MTUS2: variants seen among roughly 807,000 people sequenced by gnomAD.
MTUS2 encodes microtubule-associated tumor suppressor candidate 2.
Under a neutral mutation model 114.1 loss-of-function variants are expected in MTUS2, and 40 were observed. The ratio of observed to expected loss-of-function variants is 0.35; its 90% CI spans 0.27 to 0.46. The LOEUF is 0.46. MTUS2 is among the 20% of genes least tolerant of loss of function. The pLI is 1.00. For synonymous variants in MTUS2, 688 were observed against 672.0 expected (o/e 1.02, Z -0.37); for missense variants, 1,679 against 1,705.4 (o/e 0.98, Z 0.27).
At chr13:29,411,290 T>C (rs1875219131) in intron 8 of MTUS2, among the ~76,000 whole-genome samples, 1 of 152,240 alleles carries the variant, frequency 6.6e-6, no homozygotes, top group East Asian at 1.9e-4. Flanking sequence ...ATTTTATCTT[T>C]ATTCAAATGG....
intron 5 of MTUS2, among the ~76,000 whole-genome samples, chr13:29,124,006 T>C (rs7332351): frequency 0.44 from 66,694 of 152,052 alleles, 15,891 homozygotes; most frequent in Non-Finnish European, 0.52. Flanking sequence ...GTCATCCTTT[T>C]ACAGAAATGA....
At chr13:29,353,407 C>A (rs1237884879) in intron 7 of MTUS2, among the ~76,000 whole-genome samples, 1 of 152,158 alleles carries the variant, frequency 6.6e-6, no homozygotes, top group Non-Finnish European at 1.5e-5. Flanking sequence ...CTCAAGCAAT[C>A]TTCCTGCCTC....
At chr13:29,086,883 A>G (rs1373154508) in intron 4 of MTUS2, among the ~76,000 whole-genome samples, 1 of 151,354 alleles carries the variant, frequency 6.6e-6, no homozygotes, top group Non-Finnish European at 1.5e-5. Context: ...TGTGGCTATC[A>G]TGTTCTTGAT....
intron 6 of MTUS2, among the ~76,000 whole-genome samples, chr13:29,311,382 G>C (rs950021003): frequency 6.6e-6 from 1 of 152,164 alleles, no homozygotes; most frequent in Non-Finnish European, 1.5e-5. Flanking sequence ...AAACTGCACA[G>C]ATAAGTGTTA....
chr13:29,390,151 C>G (rs764505652), intron 8 of MTUS2, among the ~76,000 whole-genome samples: 1 of 99,360 alleles, frequency 1.0e-5, no homozygotes, highest in East Asian at 3.2e-4. Context: ...TATATATATA[C>G]ACACACACAC....
chr13:29,205,868 A>G (rs1011299753), intron 5 of MTUS2, among the ~76,000 whole-genome samples: 8 of 152,144 alleles, frequency 5.3e-5, no homozygotes, highest in African/African-American at 1.9e-4. Context: ...TGTCATAAAC[A>G]TGTGTGTTCA....
chr13:29,038,984 C>T (rs540664306), intron 4 of MTUS2, among the ~76,000 whole-genome samples: 146 of 152,324 alleles, frequency 9.6e-4, no homozygotes, highest in African/African-American at 3.4e-3. Context: ...AAAAGTCTGG[C>T]CCGGTGATGC....
intron 2 of MTUS2, among the ~76,000 whole-genome samples, chr13:28,866,201 G>A (rs1273467230): frequency 2.0e-5 from 3 of 152,162 alleles, no homozygotes; most frequent in African/African-American, 7.2e-5. Flanking sequence ...TGTCTGGTAC[G>A]ACACGGTGCC....
At chr13:29,027,866 A>G (rs1223257249) in intron 3 of MTUS2, among the ~76,000 whole-genome samples, 1 of 152,176 alleles carries the variant, frequency 6.6e-6, no homozygotes, top group Admixed American at 6.5e-5. Context: ...CACCGTATAG[A>G]TACAGAGACA....
rs181653253 is a variant in MTUS2, at chr13:29,241,319, A to G, written c.2645-40385A>G. ...GTGAAAATCAAATGCCTGTCACAAT[A>G]TAGCACCCCTCCATACACAAACATC... is the stretch of plus-strand genomic sequence containing the variant. On this transcript the variant is annotated intron_variant, in intron 5 of 15. Transcript: ENST00000612955. 1.4e-4 allele frequency among the ~76,000 whole-genome samples: 22 copies of G among 152,338 alleles called. 1 individual carries two copies. Among genetic ancestry groups the G allele is most frequent in the Admixed American group, 5.9e-4 (9 of 15,306 alleles).
intron 4 of MTUS2, among the ~76,000 whole-genome samples, chr13:29,049,009 G>C (rs1031262801): frequency 5.3e-5 from 8 of 152,152 alleles, no homozygotes; most frequent in Non-Finnish European, 1.2e-4. Context: ...CTTATTAGGC[G>C]TGTACTGATC....
intron 5 of MTUS2, among the ~76,000 whole-genome samples, chr13:29,131,095 G>T (rs1284210010): frequency 6.6e-6 from 1 of 152,138 alleles, no homozygotes; most frequent in Non-Finnish European, 1.5e-5. Context: ...AGATTCAATG[G>T]GTCAATTTTT....
intron 9 of MTUS2, among the ~76,000 whole-genome samples, chr13:29,459,407 C>A (rs1320239162): frequency 1.3e-5 from 2 of 152,138 alleles, no homozygotes; most frequent in Non-Finnish European, 2.9e-5. Context: ...GAAGTGTGTT[C>A]TAATTCTGCT....
intron 2 of MTUS2, among the ~76,000 whole-genome samples, chr13:28,871,911 A>G (rs951238408): frequency 1.3e-5 from 2 of 152,104 alleles, no homozygotes; most frequent in African/African-American, 2.4e-5. Context: ...GGAGGGATCA[A>G]GGATCTACAG....
intron 9 of MTUS2, among the ~76,000 whole-genome samples, chr13:29,466,876 C>CAAAAAAAAAAA (rs11296600): frequency 1.3e-4 from 11 of 87,618 alleles, no homozygotes; most frequent in African/African-American, 3.5e-4. Context: ...GACCTCATCT[C>CAAAAAAAAAAA]AAAAAAAAAA....
intron 5 of MTUS2, among the ~76,000 whole-genome samples, chr13:29,128,765 G>T (rs1235070794): frequency 6.6e-6 from 1 of 152,086 alleles, no homozygotes; most frequent in Non-Finnish European, 1.5e-5. Context: ...AAAAATGCCA[G>T]GTTGCCTTCA....
At chr13:29,319,540 C>T (rs1900164701) in intron 6 of MTUS2, among the ~76,000 whole-genome samples, 1 of 152,138 alleles carries the variant, frequency 6.6e-6, no homozygotes, top group Non-Finnish European at 1.5e-5. Flanking sequence ...GGGCTGTCAT[C>T]GTCCCAACTC....
In MTUS2 at chr13:29,504,688, A is replaced by T. The variant is rs1441088675; in HGVS notation, c.*1482A>T. The T allele has an allele frequency of 1.3e-5, 3 of 233,150 alleles. No individual in the cohort carries two copies. Among genetic ancestry groups the T allele is most frequent in the South Asian group, 1.8e-4 (1 of 5,526 alleles). 14.4% of individuals were successfully genotyped at this position (233,150 alleles called of 1,614,324 possible). ...TAGGAGCATGATACACAAAAGGAAG[A>T]AGTAGTTTTAACAGATATGGTGATG... On this transcript the variant is annotated 3_prime_UTR_variant, in exon 16 of 16. Coordinates refer to ENST00000612955, the MANE Select transcript of MTUS2 (RefSeq NM_001033602.4).
In MTUS2 at chr13:28,856,956, C is replaced by G. The variant is rs866303138; in HGVS notation, c.-243+17106C>G. Among the ~76,000 whole-genome samples, 23 of 151,924 alleles carry G rather than the reference C, an allele frequency of 1.5e-4. 1 individual carries two copies. The highest frequency in any genetic ancestry group is 5.1e-4 in the African/African-American group (21 of 41,410). On this transcript the variant is annotated intron_variant, in intron 2 of 15. Coordinates refer to ENST00000612955, the MANE Select transcript of MTUS2 (RefSeq NM_001033602.4). ...GAGACTCCTGTCATTTATAGTGTTG[C>G]TAACACAACTTCGTAGCCACTGAGT...
Sources: gnomAD v4.1 joint callset for allele counts (sites outside exome capture counted in the v4.1 genomes callset) on GRCh38, gnomAD v4.1.1 for gene constraint, MANE v1.5 for transcripts, NCBI Gene and HGNC (gene_info 2026-07-23, HGNC 2026-07-21) for gene names.